TMEM232: variants seen among roughly 807,000 people sequenced by gnomAD.
TMEM232 encodes transmembrane protein 232.
In TMEM232, 80 loss-of-function variants were observed where a neutral mutation model predicts 78.8. The observed-to-expected ratio is 1.01, with a 90% CI of 0.85 to 1.22. The LOEUF is 1.22. Ranked by LOEUF, TMEM232 falls within the 50% of genes most tolerant of loss-of-function variation. TMEM232 has a pLI of 0.00. For missense variants in TMEM232, 881 were observed against 742.2 expected, an observed-to-expected ratio of 1.19 and a Z score of -2.17; for synonymous variants, 297 against 254.3, an observed-to-expected ratio of 1.17 and a Z score of -1.60.
intron 11 of TMEM232, among the ~76,000 whole-genome samples, chr5:110,537,902 G>T (rs1219534515): frequency 1.3e-5 from 2 of 152,200 alleles, no homozygotes; most frequent in Non-Finnish European, 2.9e-5. Context: ...GCAACCTGTT[G>T]CACCCCCTTG....
intron 1 of TMEM232, among the ~76,000 whole-genome samples, chr5:110,715,064 T>C (rs1403355618): frequency 6.6e-6 from 1 of 152,172 alleles, no homozygotes; most frequent in East Asian, 1.9e-4. Flanking sequence ...TTGTCTATTT[T>C]TGCCCCTTCA....
chr5:110,570,972 A>G (rs1227712879), intron 10 of TMEM232, among the ~76,000 whole-genome samples: 1 of 152,002 alleles, frequency 6.6e-6, no homozygotes, highest in East Asian at 1.9e-4. Context: ...TCTAGAATAC[A>G]CATCTCATTT....
chr5:110,449,469 G>C (rs1168671927), intron 12 of TMEM232, among the ~76,000 whole-genome samples: 2 of 151,604 alleles, frequency 1.3e-5, no homozygotes, highest in African/African-American at 4.8e-5. Context: ...TAAAGTTTCT[G>C]TATCAGCTGT....
intron 8 of TMEM232, among the ~76,000 whole-genome samples, chr5:110,609,716 G>C (rs762441811): frequency 6.6e-6 from 1 of 152,086 alleles, no homozygotes; most frequent in Non-Finnish European, 1.5e-5. Context: ...TTTACACATT[G>C]AGTGTTGTAA....
At chr5:110,605,076 A>T in intron 10 of TMEM232, 33 bp downstream of exon 10, 1 of 1,490,300 alleles carries the variant, frequency 6.7e-7, no homozygotes, top group South Asian at 1.3e-5. Context: ...ACTTAAAAAT[A>T]TTACTCATCA....
intron 6 of TMEM232, 98 bp from the exon 7 acceptor site, chr5:110,625,531 C>T: frequency 8.8e-7 from 1 of 1,135,212 alleles, no homozygotes; most frequent in Non-Finnish European, 1.2e-6. Context: ...AAATTCAGTA[C>T]TTAGATGCAG....
chr5:110,663,102 CATA>C (rs765138981), intron 2 of TMEM232, among the ~76,000 whole-genome samples: 5 of 151,926 alleles, frequency 3.3e-5, no homozygotes, highest in African/African-American at 4.8e-5. Context: ...ATGAAACGTT[CATA>C]ATAACCATAA....
At position 110,618,414 on chromosome 5, in the gene TMEM232, T is replaced by C. The variant is rs1783211397; in HGVS notation, c.902+15A>G. 2 of 1,547,942 alleles carry C rather than the reference T, an allele frequency of 1.3e-6. No homozygotes were observed. Among genetic ancestry groups the C allele is most frequent in the African/African-American group, 1.4e-5 (1 of 72,840 alleles). On this transcript the variant is annotated intron_variant, in intron 8 of 13. Coordinates refer to ENST00000455884, the MANE Select transcript of TMEM232 (RefSeq NM_001039763.4). ...TTCTCCATGAGTTACTTTGGATTTATAGGATCACTCTTACCAGCATTTCTT... is the reference window on the plus strand; with the variant it reads ...TTCTCCATGAGTTACTTTGGATTTACAGGATCACTCTTACCAGCATTTCTT...
chr5:110,698,996 G>C (rs1260086104), intron 1 of TMEM232, among the ~76,000 whole-genome samples: 2 of 152,038 alleles, frequency 1.3e-5, no homozygotes, highest in East Asian at 3.9e-4. Flanking sequence ...AGAGGTGTTG[G>C]AAGGGGATCT....
intron 12 of TMEM232, among the ~76,000 whole-genome samples, chr5:110,516,146 G>C (rs1411301926): frequency 6.6e-6 from 1 of 152,086 alleles, no homozygotes; most frequent in Non-Finnish European, 1.5e-5. Context: ...GGCTGACGCA[G>C]GAGAACGGCG....
At chr5:110,546,107 A>G (rs1773747713) in intron 11 of TMEM232, among the ~76,000 whole-genome samples, 1 of 152,110 alleles carries the variant, frequency 6.6e-6, no homozygotes, top group South Asian at 2.1e-4. Context: ...CATTTCAAAT[A>G]TGCTTATTAA....
chr5:110,479,592 A>C (rs1282001833), intron 12 of TMEM232, among the ~76,000 whole-genome samples: 1 of 151,874 alleles, frequency 6.6e-6, no homozygotes, highest in Non-Finnish European at 1.5e-5. Context: ...AGTATTTTGC[A>C]TGTAATTATA....
chr5:110,419,040 T>C (rs973166387), downstream of TMEM232, among the ~76,000 whole-genome samples: 2 of 151,996 alleles, frequency 1.3e-5, no homozygotes, highest in Admixed American at 6.6e-5. Context: ...TGGGAGAAAA[T>C]TGAAACCTTG....
intron 2 of TMEM232, among the ~76,000 whole-genome samples, chr5:110,650,646 G>C (rs779536451): frequency 1.3e-5 from 2 of 152,092 alleles, no homozygotes; most frequent in Non-Finnish European, 2.9e-5. Flanking sequence ...TGCCTGACTA[G>C]TACTCTTCAA....
rs190296956 is a variant in TMEM232, at chr5:110,502,917, T to A, written c.1703+25671A>T. ...AAGTAGAATTCTTCAATTACTTTCA[T>A]TATTATCATCTGGTTAATTTCAATC... On this transcript the variant is annotated intron_variant, in intron 12 of 13. Coordinates refer to ENST00000455884, the MANE Select transcript of TMEM232 (RefSeq NM_001039763.4). Among the ~76,000 whole-genome samples the A allele has an allele frequency of 1.4e-3, 207 of 152,346 alleles. 1 individual carries two copies. Among genetic ancestry groups the A allele is most frequent in the African/African-American group, 4.8e-3 (201 of 41,592 alleles).
chr5:110,480,236 A>C (rs1763714765), intron 12 of TMEM232, among the ~76,000 whole-genome samples: 1 of 151,966 alleles, frequency 6.6e-6, no homozygotes, highest in Non-Finnish European at 1.5e-5. Flanking sequence ...CATGCAAAAA[A>C]AAATGATCTT....
chr5:110,604,745 G>A (rs1280406438), intron 10 of TMEM232, among the ~76,000 whole-genome samples: 2 of 152,126 alleles, frequency 1.3e-5, no homozygotes, highest in African/African-American at 4.8e-5. Flanking sequence ...ATCACTTGAG[G>A]TCAGGAGTTT....
At chr5:110,658,485 G>T (rs1416051805) in intron 2 of TMEM232, among the ~76,000 whole-genome samples, 18 of 152,114 alleles carry the variant, frequency 1.2e-4, no homozygotes, top group Non-Finnish European at 2.6e-4. Context: ...AGAGGGGACT[G>T]TTGACACCCA....
chr5:110,658,710 G>A (rs1789408634), intron 2 of TMEM232, among the ~76,000 whole-genome samples: 1 of 152,084 alleles, frequency 6.6e-6, no homozygotes, highest in Non-Finnish European at 1.5e-5. Context: ...CTTGTGAAAT[G>A]TAATTATTAA....
Sources: allele counts gnomAD v4.1 joint callset (sites outside exome capture counted in the v4.1 genomes callset), GRCh38; gene constraint gnomAD v4.1.1; transcripts MANE v1.5; gene names NCBI Gene and HGNC (gene_info 2026-07-23, HGNC 2026-07-21).